The following PRKCA variants were observed in gnomAD, a reference collection of about 807,000 sequenced individuals.
PRKCA encodes the protein protein kinase C alpha.
Under a neutral mutation model 87.0 loss-of-function variants are expected in PRKCA, and 27 were observed. That is an observed-to-expected ratio of 0.31 (90% CI 0.23 to 0.43). The LOEUF is 0.43. PRKCA is among the 20% of genes least tolerant of loss of function. The pLI, the probability that PRKCA is intolerant of heterozygous loss-of-function variation, is 1.00. For missense variants in PRKCA, 518 were observed against 852.3 expected, an observed-to-expected ratio of 0.61 and a Z score of 4.88; for synonymous variants, 329 against 311.1, an observed-to-expected ratio of 1.06 and a Z score of -0.61.
chr17:66,577,193 C>T lies in PRKCA; in HGVS notation c.289-64162C>T, dbSNP rs557698152. 5.9e-5 allele frequency among the ~76,000 whole-genome samples: 9 copies of T among 152,160 alleles called. No individual in the cohort carries two copies. The South Asian group carries it at 6.2e-4, about 11-fold the overall frequency. On this transcript the variant is annotated intron_variant, in intron 3 of 16. Coordinates refer to ENST00000413366, the MANE Select transcript of PRKCA (RefSeq NM_002737.3). ...CCCTGTGATGCACTTTTAATCACAG[C>T]GGTATTTGGTCAAAGGATGGCAGAA...
At chr17:66,797,023 A>T (rs1975685706) in intron 16 of PRKCA, 1 of 956,946 alleles carries the variant, frequency 1.0e-6, no homozygotes, top group Non-Finnish European at 1.2e-6. Context: ...GTTTTGAGCT[A>T]CTCATATTTC....
At chr17:66,517,325 C>T (rs1478820332) in intron 3 of PRKCA, among the ~76,000 whole-genome samples, 2 of 152,150 alleles carry the variant, frequency 1.3e-5, no homozygotes, top group African/African-American at 2.4e-5. Context: ...AGGAGATTTT[C>T]CTGACTACTC....
At chr17:66,416,030 C>A (rs1355714482) in intron 2 of PRKCA, 1 of 152,082 alleles carries the variant, frequency 6.6e-6, no homozygotes, top group Non-Finnish European at 1.5e-5. Context: ...CTGACTGGCA[C>A]ACAGTGGGCA....
chr17:66,531,983 C>T (rs539433135), intron 3 of PRKCA, among the ~76,000 whole-genome samples: 315 of 152,260 alleles, frequency 2.1e-3, no homozygotes, highest in African/African-American at 7.3e-3. Flanking sequence ...GCTGCCGAGC[C>T]TCTGCCAGCC....
intron 14 of PRKCA, among the ~76,000 whole-genome samples, chr17:66,784,394 C>A (rs752139276): frequency 1.3e-5 from 2 of 152,128 alleles, no homozygotes; most frequent in Non-Finnish European, 2.9e-5. Flanking sequence ...TACAGGCGTG[C>A]GCCACCACAG....
At chr17:66,775,805 C>G (rs956640559) in intron 14 of PRKCA, 20 of 968,962 alleles carry the variant, frequency 2.1e-5, no homozygotes, top group Admixed American at 6.2e-5. Flanking sequence ...TAAGGATGAA[C>G]AAAACAGACG....
At chr17:66,492,250 T>G (rs1014691875) in intron 2 of PRKCA, among the ~76,000 whole-genome samples, 5 of 152,052 alleles carry the variant, frequency 3.3e-5, no homozygotes, top group African/African-American at 4.8e-5. Flanking sequence ...TGGGAGGAAA[T>G]TATTTTGGGA....
At chr17:66,447,764 T>C (rs2143906334) in intron 2 of PRKCA, among the ~76,000 whole-genome samples, 1 of 152,296 alleles carries the variant, frequency 6.6e-6, no homozygotes, top group South Asian at 2.1e-4. Flanking sequence ...CCACCTCCGC[T>C]CATTCCAGTT....
intron 8 of PRKCA, among the ~76,000 whole-genome samples, chr17:66,720,795 G>A (rs766036904): frequency 3.3e-5 from 5 of 152,162 alleles, no homozygotes; most frequent in Admixed American, 1.3e-4. Context: ...GTTGGTCATC[G>A]TTGGCCTGTC....
intron 2 of PRKCA, among the ~76,000 whole-genome samples, chr17:66,460,128 T>A (rs1449939902): frequency 1.3e-5 from 2 of 152,168 alleles, no homozygotes; most frequent in Non-Finnish European, 2.9e-5. Context: ...TCTAAGTAAG[T>A]CTAACGGACT....
chr17:66,643,742 C>G (rs996948679), intron 4 of PRKCA, among the ~76,000 whole-genome samples: 1 of 152,226 alleles, frequency 6.6e-6, no homozygotes, highest in Non-Finnish European at 1.5e-5. Flanking sequence ...ACTGCAACCC[C>G]TACTGACCTT....
chr17:66,765,767 G>C (rs1974799976), intron 13 of PRKCA, among the ~76,000 whole-genome samples: 1 of 151,916 alleles, frequency 6.6e-6, no homozygotes, highest in African/African-American at 2.4e-5. Context: ...GTGTGTATCT[G>C]AATGTTTATC....
chr17:66,393,577 G>A (rs1910487894), intron 2 of PRKCA, among the ~76,000 whole-genome samples: 1 of 152,268 alleles, frequency 6.6e-6, no homozygotes, highest in Middle Eastern at 3.4e-3. Context: ...CTGGGTGTGT[G>A]CAGAGGGCGG....
chr17:66,412,866 C>CCGTT (rs981802872), intron 2 of PRKCA: 13 of 152,316 alleles, frequency 8.5e-5, no homozygotes, highest in African/African-American at 2.9e-4. Context: ...AGCAGCCAAT[C>CCGTT]CGTTCCCCAG....
intron 3 of PRKCA, among the ~76,000 whole-genome samples, chr17:66,500,993 A>G (rs1916706559): frequency 6.6e-6 from 1 of 152,146 alleles, no homozygotes; most frequent in Admixed American, 6.5e-5. Flanking sequence ...AATGGTTAAG[A>G]TGTCCTGTTC....
At chr17:66,749,459 G>C (rs566217967) in intron 13 of PRKCA, among the ~76,000 whole-genome samples, 4 of 152,262 alleles carry the variant, frequency 2.6e-5, no homozygotes, top group South Asian at 4.1e-4. Context: ...CCCTGCCCTG[G>C]TGACCCTATT....
At chr17:66,731,221 C>T (rs1973877098) in intron 8 of PRKCA, among the ~76,000 whole-genome samples, 4 of 151,932 alleles carry the variant, frequency 2.6e-5, no homozygotes, top group Admixed American at 6.6e-5. Flanking sequence ...TGCATGGTGG[C>T]GAATCCCAGC....
chr17:66,525,581 G>T (rs999612431), intron 3 of PRKCA, among the ~76,000 whole-genome samples: 1 of 152,138 alleles, frequency 6.6e-6, no homozygotes, highest in Non-Finnish European at 1.5e-5. Flanking sequence ...AGATCGCCAG[G>T]GCTCATGGAC....
chr17:66,515,123 G>T (rs1381552696), intron 3 of PRKCA, among the ~76,000 whole-genome samples: 1 of 152,002 alleles, frequency 6.6e-6, no homozygotes, highest in East Asian at 1.9e-4. Flanking sequence ...GGGCATGGTG[G>T]CCTGCGCCTC....
Sources: gnomAD v4.1 joint callset for allele counts (sites outside exome capture counted in the v4.1 genomes callset) on GRCh38, gnomAD v4.1.1 for gene constraint, MANE v1.5 for transcripts, NCBI Gene and HGNC (gene_info 2026-07-23, HGNC 2026-07-21) for gene names.